Variants in HSF2BP observed in about 807,000 individuals in gnomAD.
The protein encoded by HSF2BP is heat shock transcription factor 2 binding protein.
Under a neutral mutation model 35.0 loss-of-function variants are expected in HSF2BP, and 35 were observed. That is an observed-to-expected ratio of 1.00 (90% CI 0.76 to 1.32). HSF2BP has a LOEUF of 1.32. Ranked by LOEUF, HSF2BP falls within the 40% of genes most tolerant of loss-of-function variation. The probability of loss-of-function intolerance (pLI) is 0.00; values close to 1 mark genes in which losing one functional copy is unlikely to be tolerated. For missense variants in HSF2BP, 326 were observed against 321.7 expected (o/e 1.01, Z -0.10); for synonymous variants, 114 against 117.4 (o/e 0.97, Z 0.18).
At chr21:43,585,542 G>A (rs965827861) in intron 8 of HSF2BP, among the ~76,000 whole-genome samples, 4 of 152,058 alleles carry the variant, frequency 2.6e-5, no homozygotes, top group Admixed American at 1.3e-4. Context: ...GCTACTGGGA[G>A]GCTGAGACAG....
chr21:43,583,644 A>G (rs1383283165), intron 8 of HSF2BP, among the ~76,000 whole-genome samples: 1 of 116,932 alleles, frequency 8.6e-6, no homozygotes, highest in Non-Finnish European at 1.7e-5. Context: ...CTGCTGAGGG[A>G]GATGAAGGAC....
intron 4 of HSF2BP, 66 bp downstream of exon 4, chr21:43,644,223 T>C: frequency 8.6e-7 from 1 of 1,161,742 alleles, no homozygotes; most frequent in African/African-American, 1.5e-5. Flanking sequence ...CTGCTTATCA[T>C]AAGTGAAAGG....
intron 7 of HSF2BP, among the ~76,000 whole-genome samples, chr21:43,603,499 C>G: frequency 6.6e-6 from 1 of 152,258 alleles, no homozygotes; most frequent in South Asian, 2.1e-4. Flanking sequence ...CTGCACTGAA[C>G]TGCCGCAGCC....
intron 7 of HSF2BP, among the ~76,000 whole-genome samples, chr21:43,602,357 C>T (rs1394439577): frequency 6.6e-6 from 1 of 152,204 alleles, no homozygotes; most frequent in Non-Finnish European, 1.5e-5. Context: ...GTGGGTGGCT[C>T]CAACCTGCAG....
chr21:43,632,063 C>CAT (rs2082471847), intron 5 of HSF2BP, among the ~76,000 whole-genome samples: 1 of 17,402 alleles, frequency 5.7e-5, no homozygotes, highest in East Asian at 3.9e-3. Context: ...CCCCCACACA[C>CAT]GCTCCCACAT....
chr21:43,655,007 A>G (rs2082846890), intron 3 of HSF2BP, among the ~76,000 whole-genome samples: 1 of 152,228 alleles, frequency 6.6e-6, no homozygotes, highest in Non-Finnish European at 1.5e-5. Context: ...GATCTCCCAA[A>G]GGCAGACTGT....
intron 7 of HSF2BP, among the ~76,000 whole-genome samples, chr21:43,609,105 C>T (rs78939880): frequency 0.013 from 1,952 of 152,342 alleles, 43 homozygotes; most frequent in African/African-American, 0.043. Flanking sequence ...AGAAAGACCA[C>T]CACCATGTCC....
At chr21:43,611,016 C>A (rs180675671) in intron 7 of HSF2BP, among the ~76,000 whole-genome samples, 4 of 152,020 alleles carry the variant, frequency 2.6e-5, no homozygotes, top group Non-Finnish European at 5.9e-5. Context: ...TAAAATTATA[C>A]CCCCAAACAA....
intron 7 of HSF2BP, among the ~76,000 whole-genome samples, chr21:43,605,411 C>A (rs1046750606): frequency 6.8e-6 from 1 of 147,316 alleles, no homozygotes; most frequent in African/African-American, 2.5e-5. Context: ...ATTCCCCACA[C>A]CACACACACA....
At chr21:43,623,826 T>G (rs2082359063) in intron 6 of HSF2BP, among the ~76,000 whole-genome samples, 1 of 152,240 alleles carries the variant, frequency 6.6e-6, no homozygotes, top group African/African-American at 2.4e-5. Context: ...TGTTGATCAG[T>G]GCTCAAGTTG....
At chr21:43,572,224 C>T (rs774435833) in intron 8 of HSF2BP, among the ~76,000 whole-genome samples, 1 of 152,170 alleles carries the variant, frequency 6.6e-6, no homozygotes, top group African/African-American at 2.4e-5. Context: ...CTCTGGGAGT[C>T]ACGAGGTGGC....
intron 7 of HSF2BP, among the ~76,000 whole-genome samples, chr21:43,593,863 C>G (rs1312006622): frequency 6.6e-6 from 1 of 151,842 alleles, no homozygotes; most frequent in African/African-American, 2.4e-5. Flanking sequence ...AAAGAAAGAA[C>G]AGAAAGAATG....
chr21:43,645,716 C>G (rs1333641220), intron 3 of HSF2BP, among the ~76,000 whole-genome samples: 1 of 152,106 alleles, frequency 6.6e-6, no homozygotes, highest in African/African-American at 2.4e-5. Flanking sequence ...ATTACTCCAC[C>G]CTAGAGGAGA....
At chr21:43,647,868 G>A (rs1283425957) in intron 3 of HSF2BP, among the ~76,000 whole-genome samples, 2 of 149,666 alleles carry the variant, frequency 1.3e-5, no homozygotes, top group Non-Finnish European at 3.0e-5. Flanking sequence ...GGCGGAAGTT[G>A]CAGTGAGCCA....
At chr21:43,638,398 T>C (rs954016089) in intron 4 of HSF2BP, among the ~76,000 whole-genome samples, 5 of 151,742 alleles carry the variant, frequency 3.3e-5, no homozygotes, top group African/African-American at 9.7e-5. Context: ...GCAGAGGTTG[T>C]AGTGAGCTGC....
chr21:43,496,096 G>A, the HSF2BP span, among the ~76,000 whole-genome samples: 11 of 134,214 alleles, frequency 8.2e-5, 2 homozygotes, highest in African/African-American at 3.0e-4. Context: ...GACACACAAA[G>A]GCATCCAAAT....
chr21:43,644,410 A>C lies in HSF2BP; in HGVS notation c.188-18T>G. The C allele has an allele frequency of 6.3e-7, 1 of 1,590,850 alleles. No individual in the cohort carries two copies. The highest frequency in any genetic ancestry group is 8.6e-7 in the Non-Finnish European group (1 of 1,158,792). ...TTCCAGGTCTAGGAGAAAGACATAAAATTACTCAAGATATTTCAAGTCACT... is the reference window on the plus strand; with the variant it reads ...TTCCAGGTCTAGGAGAAAGACATAACATTACTCAAGATATTTCAAGTCACT... On this transcript the variant is annotated intron_variant, in intron 3 of 8. Transcript: ENST00000291560.
chr21:43,636,943 C>T (rs1420412788), intron 4 of HSF2BP, among the ~76,000 whole-genome samples: 1 of 150,262 alleles, frequency 6.7e-6, no homozygotes, highest in Non-Finnish European at 1.5e-5. Context: ...AACATACGAC[C>T]GCAGAAAAAC....
chr21:43,645,280 C>A (rs367676874), intron 3 of HSF2BP, among the ~76,000 whole-genome samples: 1 of 152,162 alleles, frequency 6.6e-6, no homozygotes, highest in Non-Finnish European at 1.5e-5. Flanking sequence ...AATACAGAGT[C>A]GGCTGGGTTC....
Sources: gnomAD v4.1 joint callset for allele counts (sites outside exome capture counted in the v4.1 genomes callset) on GRCh38, gnomAD v4.1.1 for gene constraint, MANE v1.5 for transcripts, NCBI Gene and HGNC (gene_info 2026-07-23, HGNC 2026-07-21) for gene names.